ATP11A: variants seen among roughly 807,000 people sequenced by gnomAD.
The protein encoded by ATP11A is ATPase phospholipid transporting 11A, also known as phospholipid-transporting ATPase IH.
In ATP11A, 81 loss-of-function variants were observed where a neutral mutation model predicts 154.4. The ratio of observed to expected loss-of-function variants is 0.52; its 90% confidence interval spans 0.44 to 0.63. ATP11A has a LOEUF of 0.63. Among genes scored for constraint, ATP11A ranks in the 30% least tolerant of loss-of-function variants. The probability of loss-of-function intolerance (pLI) is 0.00; values close to 1 mark genes in which losing one functional copy is unlikely to be tolerated. For missense variants in ATP11A, 1,316 were observed against 1,474.3 expected, an observed-to-expected ratio of 0.89 and a Z score of 1.76; for synonymous variants, 623 against 585.9, an observed-to-expected ratio of 1.06 and a Z score of -0.91.
chr13:112,852,512 A>G (rs1350026526), intron 18 of ATP11A, among the ~76,000 whole-genome samples: 1 of 152,210 alleles, frequency 6.6e-6, no homozygotes, highest in Admixed American at 6.5e-5. Flanking sequence ...AAGGCTTCAG[A>G]GCGCAGGGCC....
intron 1 of ATP11A, among the ~76,000 whole-genome samples, chr13:112,722,594 C>T (rs1273716718): frequency 4.6e-5 from 7 of 152,226 alleles, no homozygotes; most frequent in South Asian, 4.2e-4. Context: ...CCATCAGGGC[C>T]GGAAGCAGGT....
chr13:112,805,428 C>T (rs114891168), intron 3 of ATP11A, among the ~76,000 whole-genome samples: 404 of 152,210 alleles, frequency 2.7e-3, no homozygotes, highest in African/African-American at 9.3e-3. Flanking sequence ...CACAGTGGCT[C>T]GCCTGTAATC....
intron 4 of ATP11A, 120 bp from the exon 5 acceptor site, chr13:112,810,499 C>A: frequency 2.5e-6 from 2 of 789,816 alleles, no homozygotes; most frequent in South Asian, 1.6e-5. Flanking sequence ...AAAAATACAC[C>A]CCCACAGGCT....
intron 20 of ATP11A, chr13:112,856,372 C>G: frequency 4.2e-6 from 1 of 240,040 alleles, no homozygotes. Context: ...AAAGCTATCT[C>G]AATCACTCCT....
chr13:112,793,178 G>A (rs1008866244), intron 2 of ATP11A, among the ~76,000 whole-genome samples: 6 of 152,110 alleles, frequency 3.9e-5, no homozygotes, highest in Admixed American at 1.3e-4. Context: ...CACTGGGCTT[G>A]GACTTCCTTC....
Position 112,719,157 on chromosome 13 carries a change from C to T in ATP11A, c.39+28702C>T, listed in dbSNP as rs183139759. 1.9e-3 allele frequency among the ~76,000 whole-genome samples: 288 copies of T among 151,752 alleles called. 1 individual carries two copies. The highest frequency in any genetic ancestry group is 3.0e-3 in the Non-Finnish European group (205 of 67,866). On this transcript the variant is annotated intron_variant, in intron 1 of 29. Coordinates refer to ENST00000375645, the MANE Select transcript of ATP11A (RefSeq NM_015205.3). ...GGGGCCCTCAGGATGCCCTGTGACG[C>T]GCAGGTGTGACTTTGAATCGCGTCA...
intron 15 of ATP11A, among the ~76,000 whole-genome samples, chr13:112,835,154 G>A (rs1455405367): frequency 6.6e-6 from 1 of 152,048 alleles, no homozygotes; most frequent in Non-Finnish European, 1.5e-5. Context: ...ATGTTGGATT[G>A]TTTTACTTTT....
At chr13:112,728,475 G>A (rs533757356) in intron 1 of ATP11A, among the ~76,000 whole-genome samples, 8 of 145,204 alleles carry the variant, frequency 5.5e-5, no homozygotes, top group African/African-American at 1.8e-4. Context: ...CGTGCAGCCC[G>A]CTTCCCTGTG....
In ATP11A at chr13:112,690,375, G is replaced by C; in HGVS notation, c.-42G>C. ...AGCCCATGGGCGCGCCGAGCCGGGC[G>C]CGGGGGCGCTGAACGGCGGAGCGGG... On this transcript the variant is annotated 5_prime_UTR_variant, in exon 1 of 30. Transcript: ENST00000375645. This position sits in a 1 kb window ranked among gnomAD's most constrained non-coding sequence, Gnocchi z 5.6. 8.0e-7 allele frequency: 1 copy of C among 1,257,260 alleles called. No individual in the cohort carries two copies. The highest frequency in any genetic ancestry group is 1.0e-6 in the Non-Finnish European group (1 of 1,001,570). 77.9% of individuals were successfully genotyped at this position (1,257,260 alleles called of 1,614,324 possible).
chr13:112,802,983 ACT>A (rs1594747238), intron 2 of ATP11A, among the ~76,000 whole-genome samples: 1 of 151,956 alleles, frequency 6.6e-6, no homozygotes, highest in East Asian at 1.9e-4. Context: ...AACTCCAGAG[ACT>A]CTCTTCTGGA....
chr13:112,819,466 G>A, intron 7 of ATP11A, 59 bp downstream of exon 7: 1 of 1,464,160 alleles, frequency 6.8e-7, no homozygotes, highest in Non-Finnish European at 9.5e-7. Flanking sequence ...CATTGCTCTT[G>A]CTTTTTCACC....
chr13:112,714,858 G>C (rs1888242130), intron 1 of ATP11A, among the ~76,000 whole-genome samples: 1 of 152,198 alleles, frequency 6.6e-6, no homozygotes, highest in Non-Finnish European at 1.5e-5. Flanking sequence ...CGTTCACCTT[G>C]TGTCACCATC....
chr13:112,871,119 A>G (rs751981659), intron 25 of ATP11A, among the ~76,000 whole-genome samples: 12 of 152,248 alleles, frequency 7.9e-5, no homozygotes, highest in Non-Finnish European at 1.5e-4. Flanking sequence ...GGAAGCCCCC[A>G]GGCTTCCCCC....
rs576910165 is a variant in ATP11A at position 112,697,493 on chromosome 13, G to A, written c.39+7038G>A. Among the ~76,000 whole-genome samples, 1 of 152,326 alleles carries A rather than the reference G, an allele frequency of 6.6e-6. No homozygotes were observed. Among genetic ancestry groups the A allele is most frequent in the East Asian group, 1.9e-4 (1 of 5,184 alleles). ...GGAATTCAGGGAGAGCAGCCGCAGTGCCCTGTCCCCAGAGCCTGGTGTCCA... is the reference window on the plus strand; with the variant it reads ...GGAATTCAGGGAGAGCAGCCGCAGTACCCTGTCCCCAGAGCCTGGTGTCCA... On this transcript the variant is annotated intron_variant, in intron 1 of 29. Coordinates refer to ENST00000375645, the MANE Select transcript of ATP11A (RefSeq NM_015205.3). The surrounding 1 kb of genome is among the most constrained non-coding windows in gnomAD (Gnocchi z 4.0).
At chr13:112,706,263 C>T (rs761920558) in intron 1 of ATP11A, among the ~76,000 whole-genome samples, 10 of 152,182 alleles carry the variant, frequency 6.6e-5, no homozygotes, top group Non-Finnish European at 1.5e-4. Context: ...ATTTGCACTT[C>T]ATATTTTGCT....
In ATP11A at chr13:112,826,800, A is replaced by C. The variant is rs975415385; in HGVS notation, c.1130A>C (p.Tyr377Ser). 1 of 1,613,950 alleles carries C rather than the reference A, an allele frequency of 6.2e-7. No individual in the cohort carries two copies. Among genetic ancestry groups the C allele is most frequent in the Non-Finnish European group, 8.5e-7 (1 of 1,180,036 alleles). The part of the protein sequence containing the change: ...TVEMQKFLGS[Y>S]FITWDEDMFD... ...GAGATGCAGAAGTTCCTCGGCTCTT[A>C]CTTCATCACCTGGGACGAAGACATG... The change falls in exon 12 of 30, where the codon TAC (tyrosine) becomes TCC (serine). Residue 377 changes from tyrosine (Y) to serine (S), a missense_variant. Transcript: ENST00000375645.
chr13:112,717,585 C>T (rs765623234), intron 1 of ATP11A: 1 of 152,234 alleles, frequency 6.6e-6, no homozygotes, highest in Non-Finnish European at 1.5e-5. Context: ...ACACTACTGT[C>T]AAGTTTATAG....
At chr13:112,764,246 C>G (rs1226684634) in intron 1 of ATP11A, among the ~76,000 whole-genome samples, 3 of 152,158 alleles carry the variant, frequency 2.0e-5, no homozygotes, top group African/African-American at 7.2e-5. Flanking sequence ...CTGGACACTT[C>G]GCCTCTGACA....
intron 2 of ATP11A, among the ~76,000 whole-genome samples, chr13:112,791,845 G>T (rs1325648189): frequency 6.6e-6 from 1 of 152,120 alleles, no homozygotes; most frequent in East Asian, 1.9e-4. Flanking sequence ...GGTTTTGTGG[G>T]CTTATTGCTG....
Sources: gnomAD v4.1 joint callset for allele counts (sites outside exome capture counted in the v4.1 genomes callset) on GRCh38, gnomAD v4.1.1 for gene constraint, Gnocchi (gnomAD v3.1) non-coding constraint, MANE v1.5 for transcripts, NCBI Gene and HGNC (gene_info 2026-07-23, HGNC 2026-07-21) for gene names.